Variants in CSTPP1 observed in about 807,000 individuals in gnomAD.
CSTPP1 encodes the protein centriolar satellite-associated tubulin polyglutamylase complex regulator 1.
At chr11:47,107,919 T>G in the CSTPP1 span, among the ~76,000 whole-genome samples, 1 of 152,258 alleles carries the variant, frequency 6.6e-6, no homozygotes, top group Admixed American at 6.5e-5. Context: ...CTTGTTCCCC[T>G]GGCAGTGATA....
chr11:47,026,108 A>G, the CSTPP1 span, among the ~76,000 whole-genome samples: 1 of 152,362 alleles, frequency 6.6e-6, no homozygotes, highest in South Asian at 2.1e-4. Flanking sequence ...AAAGAGATAC[A>G]GAGGTTGGAA....
the CSTPP1 span, chr11:47,162,249 T>C: frequency 1.0e-6 from 1 of 985,496 alleles, no homozygotes; most frequent in Non-Finnish European, 1.2e-6. Flanking sequence ...GTCTGGTAAC[T>C]GGTGAGTCTA....
chr11:46,983,065 C>T, the CSTPP1 span, among the ~76,000 whole-genome samples: 1 of 152,088 alleles, frequency 6.6e-6, no homozygotes, highest in Non-Finnish European at 1.5e-5. Flanking sequence ...AATTGTTATG[C>T]TGTTTTAATC....
At chr11:47,058,981 G>T in the CSTPP1 span, among the ~76,000 whole-genome samples, 1 of 152,114 alleles carries the variant, frequency 6.6e-6, no homozygotes, top group Non-Finnish European at 1.5e-5. Flanking sequence ...AGAAAATATG[G>T]AACATATACA....
chr11:47,161,343 CCTCT>C, the CSTPP1 span: 34 of 1,584,272 alleles, frequency 2.1e-5, no homozygotes, highest in East Asian at 4.5e-5. Context: ...GGTGTCCCTC[CCTCT>C]GAGTCCTTTG....
At chr11:46,975,590 T>C in the CSTPP1 span, among the ~76,000 whole-genome samples, 2 of 152,198 alleles carry the variant, frequency 1.3e-5, no homozygotes, top group Non-Finnish European at 2.9e-5. Context: ...AAATATTCAG[T>C]TGTTGCCATG....
the CSTPP1 span, among the ~76,000 whole-genome samples, chr11:46,998,538 G>C: frequency 6.6e-6 from 1 of 152,180 alleles, no homozygotes; most frequent in Admixed American, 6.5e-5. Flanking sequence ...GAAGTGAAAA[G>C]TAAACCAGCT....
the CSTPP1 span, among the ~76,000 whole-genome samples, chr11:47,020,340 C>A: frequency 6.9e-4 from 105 of 152,250 alleles, 1 homozygote; most frequent in African/African-American, 2.4e-3. Context: ...TTATTTGAGT[C>A]TTAAGCTTAG....
the CSTPP1 span, among the ~76,000 whole-genome samples, chr11:47,023,947 C>T: frequency 6.6e-6 from 1 of 152,128 alleles, no homozygotes; most frequent in Non-Finnish European, 1.5e-5. Flanking sequence ...TCCCTGCTTT[C>T]ATTTCTTTTG....
At chr11:47,162,054 G>A in the CSTPP1 span, 3 of 990,944 alleles carry the variant, frequency 3.0e-6, no homozygotes, top group Non-Finnish European at 3.6e-6. Context: ...ACCATCAAGG[G>A]TGACACCTGC....
the CSTPP1 span, among the ~76,000 whole-genome samples, chr11:47,056,099 C>A: frequency 6.6e-6 from 1 of 152,124 alleles, no homozygotes; most frequent in Non-Finnish European, 1.5e-5. Flanking sequence ...CTGTTTATAC[C>A]AAAATCCACG....
At chr11:47,127,303 A>G in the CSTPP1 span, among the ~76,000 whole-genome samples, 1 of 152,208 alleles carries the variant, frequency 6.6e-6, no homozygotes, top group Non-Finnish European at 1.5e-5. Context: ...GATAATGCAT[A>G]TGAAAATGGT....
At chr11:47,124,475 C>T in the CSTPP1 span, among the ~76,000 whole-genome samples, 1 of 152,040 alleles carries the variant, frequency 6.6e-6, no homozygotes, top group Admixed American at 6.6e-5. Flanking sequence ...CTTTTGTTTA[C>T]TTTCTTAATT....
At chr11:46,958,218 T>C in the CSTPP1 span, among the ~76,000 whole-genome samples, 1 of 152,224 alleles carries the variant, frequency 6.6e-6, no homozygotes. Flanking sequence ...CAGGCTGGTC[T>C]TGAACTCCTG....
chr11:47,015,474 A>AAAACAAAC, the CSTPP1 span, among the ~76,000 whole-genome samples: 4 of 152,102 alleles, frequency 2.6e-5, no homozygotes. Context: ...CTCCGTCTCA[A>AAAACAAAC]AAACAAACAA....
the CSTPP1 span, among the ~76,000 whole-genome samples, chr11:46,978,712 C>G: frequency 6.6e-6 from 1 of 152,148 alleles, no homozygotes; most frequent in African/African-American, 2.4e-5. Flanking sequence ...ACAGCTATAT[C>G]CCATAAACAG....
At chr11:47,123,884 G>A in the CSTPP1 span, among the ~76,000 whole-genome samples, 11 of 151,792 alleles carry the variant, frequency 7.2e-5, no homozygotes, top group African/African-American at 1.2e-4. Flanking sequence ...CCCGGGAGGC[G>A]GACGTTGCAG....
At chr11:46,955,137 C>T in the CSTPP1 span, among the ~76,000 whole-genome samples, 17 of 152,148 alleles carry the variant, frequency 1.1e-4, no homozygotes, top group African/African-American at 4.1e-4. Context: ...TACATTCATT[C>T]ATCTCCTATT....
At chr11:47,033,042 T>C in the CSTPP1 span, among the ~76,000 whole-genome samples, 1 of 152,164 alleles carries the variant, frequency 6.6e-6, no homozygotes, top group Admixed American at 6.5e-5. Flanking sequence ...TACTATTCAT[T>C]AAGTTAAAGT....
Sources: allele counts gnomAD v4.1 joint callset (sites outside exome capture counted in the v4.1 genomes callset), GRCh38; gene constraint gnomAD v4.1.1; transcripts MANE v1.5; gene names NCBI Gene and HGNC (gene_info 2026-07-23, HGNC 2026-07-21).